MARCHF6: variants seen among roughly 807,000 people sequenced by gnomAD.
The protein encoded by MARCHF6 is E3 ubiquitin-protein ligase MARCHF6.
A neutral mutation model predicts 133.7 loss-of-function variants in MARCHF6; 31 were observed. That is an observed-to-expected ratio of 0.23 (90% CI 0.17 to 0.31). MARCHF6 has a LOEUF of 0.31. MARCHF6 is among the 10% of genes least tolerant of loss of function. The pLI is 1.00. For synonymous variants in MARCHF6, 395 were observed against 402.5 expected (o/e 0.98, Z 0.22); for missense variants, 723 against 1,121.6 (o/e 0.64, Z 5.08).
At chr5:10,390,815 G>A (rs1737783308) in intron 6 of MARCHF6, among the ~76,000 whole-genome samples, 1 of 152,150 alleles carries the variant, frequency 6.6e-6, no homozygotes, top group Admixed American at 6.5e-5. Flanking sequence ...GACAGAGCAT[G>A]TATGTATATA....
At chr5:10,391,759 T>C in intron 7 of MARCHF6, 28 bp downstream of exon 7, 2 of 1,477,140 alleles carry the variant, frequency 1.4e-6, no homozygotes, top group African/African-American at 1.4e-5. Flanking sequence ...GTCCTCACTC[T>C]TCAGCACTGC....
intron 6 of MARCHF6, 98 bp from the exon 7 acceptor site, chr5:10,391,444 T>G (rs1737828500): frequency 2.1e-6 from 1 of 486,610 alleles, no homozygotes; most frequent in Non-Finnish European, 3.2e-6. Flanking sequence ...AGGTTTTTTT[T>G]TTTTTTTTTT....
intron 23 of MARCHF6, among the ~76,000 whole-genome samples, chr5:10,424,692 T>C (rs1739994216): frequency 6.6e-6 from 1 of 152,216 alleles, no homozygotes; most frequent in South Asian, 2.1e-4. Flanking sequence ...TTGATATTAA[T>C]GTTTCTAAGC....
rs973485050 is a variant in MARCHF6, at chr5:10,437,784, T to A, written c.*4100T>A. 4.6e-5 allele frequency: 7 copies of A among 152,218 alleles called. No homozygotes were observed. The highest frequency in any genetic ancestry group is 4.6e-4 in the Admixed American group (7 of 15,288). 9.4% of individuals were successfully genotyped at this position (152,218 alleles called of 1,614,324 possible). A position where few individuals can be genotyped will look rare whatever the true frequency, so the allele number is the denominator to read the frequency against. ...TATATATTCTGAAATGCTCCCTTTT[T>A]AATGTGGTCATTTGTTGCCTTCTAA... is the stretch of plus-strand genomic sequence containing the variant. On this transcript the variant is annotated 3_prime_UTR_variant, in exon 26 of 26. Transcript: ENST00000274140.
intron 2 of MARCHF6, 96 bp downstream of exon 2, chr5:10,377,990 AT>A: frequency 1.4e-6 from 1 of 695,480 alleles, no homozygotes. Flanking sequence ...CTCTGTAATT[AT>A]TTTTAAAAGT....
At chr5:10,372,312 G>A (rs1263278595) in intron 1 of MARCHF6, among the ~76,000 whole-genome samples, 3 of 152,018 alleles carry the variant, frequency 2.0e-5, no homozygotes, top group Admixed American at 2.0e-4. Flanking sequence ...ATTGTTAGTG[G>A]ATATAATGCT....
chr5:10,387,710 A>G (rs1393797655), intron 5 of MARCHF6, among the ~76,000 whole-genome samples: 1 of 152,106 alleles, frequency 6.6e-6, no homozygotes, highest in Admixed American at 6.6e-5. Flanking sequence ...TCGCTCTATT[A>G]CCTGGGGTAG....
chr5:10,379,020 CTGTA>C (rs902947172), intron 3 of MARCHF6, among the ~76,000 whole-genome samples, 188 bp downstream of exon 3: 5 of 151,892 alleles, frequency 3.3e-5, no homozygotes, highest in African/African-American at 9.7e-5. Context: ...TTTTGAAAAA[CTGTA>C]TGCTGTCTTT....
In MARCHF6 at chr5:10,413,022, A is replaced by G. The variant is rs1409538006; in HGVS notation, c.1897-1411A>G. Among the ~76,000 whole-genome samples the G allele has an allele frequency of 5.9e-5, 9 of 152,290 alleles. No homozygotes were observed. The East Asian group carries it at 1.5e-3, about 26-fold the overall frequency. On this transcript the variant is annotated intron_variant, in intron 19 of 25. Coordinates refer to ENST00000274140, the MANE Select transcript of MARCHF6 (RefSeq NM_005885.4). ...TGGGAGATAACGCTCTTGAATGGGC[A>G]GGAACCAGATAATGGAGCACCTTGA... is the stretch of plus-strand genomic sequence containing the variant.
chr5:10,415,797 G>C, intron 21 of MARCHF6, 128 bp downstream of exon 21: 1 of 763,164 alleles, frequency 1.3e-6, no homozygotes, highest in East Asian at 2.7e-5. Context: ...TTGATTTTTT[G>C]AATTAGAAGA....
At chr5:10,433,137 G>A (rs1045009711) in intron 25 of MARCHF6, among the ~76,000 whole-genome samples, 12 of 152,106 alleles carry the variant, frequency 7.9e-5, no homozygotes, top group Admixed American at 2.0e-4. Context: ...TGATCCACTC[G>A]CCTCGGCCTC....
intron 10 of MARCHF6, among the ~76,000 whole-genome samples, chr5:10,399,269 T>G (rs1738371844): frequency 6.6e-6 from 1 of 152,076 alleles, no homozygotes; most frequent in Non-Finnish European, 1.5e-5. Flanking sequence ...AAATTTCTTC[T>G]GCTTTATATT....
In MARCHF6 at chr5:10,407,119, T is replaced by C; in HGVS notation, c.1470T>C (p.Ile490=). 1 of 1,611,662 alleles carries C rather than the reference T, an allele frequency of 6.2e-7. No individual in the cohort carries two copies. Among genetic ancestry groups the C allele is most frequent in the Non-Finnish European group, 8.5e-7 (1 of 1,178,114 alleles). The change falls in exon 17 of 26, where the codon ATT becomes ATC. Residue 490 remains isoleucine, a synonymous_variant. Coordinates refer to ENST00000274140, the MANE Select transcript of MARCHF6 (RefSeq NM_005885.4). ...TTCTGCAGATTGTCTTTGGCTCCAT[T>C]GTCCTCCTGATGCTTTGGCTTCCTA... ...FILSVIVFGS[I]VLLMLWLPIR...
intron 25 of MARCHF6, among the ~76,000 whole-genome samples, 168 bp from the exon 26 acceptor site, chr5:10,433,426 C>T (rs1000183395): frequency 2.0e-5 from 3 of 152,208 alleles, no homozygotes. Context: ...TTCCTACAAA[C>T]CCATACCTAG....
rs752883900 is a variant in MARCHF6, at chr5:10,423,807, A to G, written c.2356A>G (p.Lys786Glu). 1.9e-6 allele frequency: 3 copies of G among 1,612,988 alleles called. No homozygotes were observed. The highest frequency in any genetic ancestry group is 2.5e-6 in the Non-Finnish European group (3 of 1,179,342). The change falls in exon 23 of 26, where the codon AAA becomes GAA. Residue 786 changes from lysine to glutamate, a missense_variant. Around this residue, in one of 4 missense-constraint regions of MARCHF6, gnomAD observed 492 missense variants for 699.5 expected, o/e 0.70. Coordinates refer to ENST00000274140, the MANE Select transcript of MARCHF6 (RefSeq NM_005885.4). ...ATTGATGGGTCCTCAGTGGTGGTTG[A>G]AAACTGTAATTGAACAGGTAAGCAA... ...ITLMGPQWWL[K>E]TVIEQVYANG...
At chr5:10,377,748 T>A in intron 1 of MARCHF6, 50 bp from the exon 2 acceptor site, 1 of 1,369,654 alleles carries the variant, frequency 7.3e-7, no homozygotes, top group Non-Finnish European at 1.0e-6. Flanking sequence ...TCTTGCTTTT[T>A]TAAAAAAGTT....
rs555012528 is a variant in MARCHF6 at position 10,408,391 on chromosome 5, A to G, written c.1553+1189A>G. On this transcript the variant is annotated intron_variant, in intron 17 of 25. Transcript: ENST00000274140. ...CTTGTCTCAGCATTGACTGACTTCA[A>G]TTCTTTTAATTGTGCTACACTGCCA... Among the ~76,000 whole-genome samples, 7 of 152,176 alleles carry G rather than the reference A, an allele frequency of 4.6e-5. No homozygotes were observed. The East Asian group carries it at 9.6e-4, about 21-fold the overall frequency.
chr5:10,385,551 T>G (rs1297659321), intron 4 of MARCHF6, among the ~76,000 whole-genome samples: 1 of 152,138 alleles, frequency 6.6e-6, no homozygotes, highest in African/African-American at 2.4e-5. Context: ...AAACTTGCAC[T>G]ACTACAAGAG....
intron 4 of MARCHF6, among the ~76,000 whole-genome samples, chr5:10,382,472 A>G (rs1737208736): frequency 6.6e-6 from 1 of 151,036 alleles, no homozygotes; most frequent in South Asian, 2.1e-4. Context: ...GTCTCGCAAA[A>G]AAAAAAAAAA....
Sources: gnomAD v4.1 joint callset for allele counts (sites outside exome capture counted in the v4.1 genomes callset) on GRCh38, gnomAD v4.1.1 for gene constraint, gnomAD v4.1.1 regional missense constraint, MANE v1.5 for transcripts, NCBI Gene and HGNC (gene_info 2026-07-23, HGNC 2026-07-21) for gene names.